Variants in DCDC2 observed in about 807,000 individuals in gnomAD.
DCDC2 encodes the protein doublecortin domain-containing protein 2.
Under a neutral mutation model 50.2 loss-of-function variants are expected in DCDC2, and 40 were observed. That is an observed-to-expected ratio of 0.80 (90% confidence interval 0.62 to 1.04). The LOEUF (loss-of-function observed/expected upper bound fraction) is 1.04. Ranked by LOEUF, DCDC2 falls within the 50% of genes least tolerant of loss-of-function variation. The pLI, the probability that DCDC2 is intolerant of heterozygous loss-of-function variation, is 0.00. For missense variants in DCDC2, 570 were observed against 581.9 expected (o/e 0.98, Z 0.21); for synonymous variants, 234 against 210.6 (o/e 1.11, Z -0.96).
chr6:24,351,145 C>G (rs949144301), intron 2 of DCDC2, among the ~76,000 whole-genome samples: 1 of 152,190 alleles, frequency 6.6e-6, no homozygotes, highest in African/African-American at 2.4e-5. Context: ...AAGAAAAATG[C>G]TTTCATAGTT....
chr6:24,308,699 T>C (rs1021239360), intron 2 of DCDC2, among the ~76,000 whole-genome samples: 4 of 152,008 alleles, frequency 2.6e-5, no homozygotes, highest in Admixed American at 6.6e-5. Flanking sequence ...GGTGGAAAAA[T>C]GATAAAATAA....
intron 7 of DCDC2, among the ~76,000 whole-genome samples, chr6:24,231,630 A>C (rs1274477660): frequency 1.3e-5 from 2 of 152,030 alleles, no homozygotes; most frequent in Non-Finnish European, 2.9e-5. Flanking sequence ...CTTTATCTGA[A>C]GGGAGTGCTA....
At chr6:24,289,552 T>C (rs1484529204) in intron 5 of DCDC2, among the ~76,000 whole-genome samples, 1 of 152,224 alleles carries the variant, frequency 6.6e-6, no homozygotes, top group Non-Finnish European at 1.5e-5. Flanking sequence ...AGTTTTCTTA[T>C]TACCATCAGG....
At chr6:24,379,436 A>C in the DCDC2 span, among the ~76,000 whole-genome samples, 2 of 152,266 alleles carry the variant, frequency 1.3e-5, no homozygotes, top group African/African-American at 4.8e-5. Flanking sequence ...AGACATATGA[A>C]AAAATGCTGA....
intron 7 of DCDC2, among the ~76,000 whole-genome samples, chr6:24,274,809 T>C (rs115364516): frequency 0.025 from 3,843 of 152,034 alleles, 86 homozygotes; most frequent in African/African-American, 0.055. Flanking sequence ...AGATAACCTA[T>C]GAAGTCTCTT....
chr6:24,302,429 C>T (rs565962512), intron 2 of DCDC2, among the ~76,000 whole-genome samples: 15 of 152,200 alleles, frequency 9.9e-5, no homozygotes, highest in African/African-American at 2.9e-4. Context: ...GCCCAACATA[C>T]TGTGTTCCAT....
chr6:24,238,144 T>G (rs1412965024), intron 7 of DCDC2, among the ~76,000 whole-genome samples: 162 of 180 alleles, frequency 0.9, 73 homozygotes, highest in African/African-American at 0.95. Context: ...GAGGAAGGGA[T>G]GCAGGGAGGA....
chr6:24,253,645 CA>C (rs1439188558), intron 7 of DCDC2, among the ~76,000 whole-genome samples: 1 of 152,012 alleles, frequency 6.6e-6, no homozygotes, highest in Non-Finnish European at 1.5e-5. Context: ...AACTATAACA[CA>C]ATGGTAACTA....
intron 2 of DCDC2, among the ~76,000 whole-genome samples, chr6:24,317,164 T>C (rs979594107): frequency 3.9e-5 from 6 of 152,078 alleles, no homozygotes; most frequent in African/African-American, 1.4e-4. Context: ...TGTTTGAATG[T>C]TAGACTCAGG....
chr6:24,184,424 A>C (rs192539862), intron 8 of DCDC2, among the ~76,000 whole-genome samples: 167 of 152,090 alleles, frequency 1.1e-3, no homozygotes, highest in African/African-American at 3.8e-3. Flanking sequence ...AATACAAAAA[A>C]TTAGCCGGGC....
chr6:24,371,304 GAAAA>G, the DCDC2 span, among the ~76,000 whole-genome samples: 439 of 140,846 alleles, frequency 3.1e-3, 16 homozygotes, highest in Middle Eastern at 0.012. Context: ...GAAAAGAAAA[GAAAA>G]AAAAGAACTA....
intron 2 of DCDC2, among the ~76,000 whole-genome samples, chr6:24,343,783 T>A (rs1310796812): frequency 6.6e-6 from 1 of 152,238 alleles, no homozygotes; most frequent in African/African-American, 2.4e-5. Flanking sequence ...TGGTCAGAAT[T>A]TAAAAGAAAA....
Position 24,291,013 on chromosome 6 carries a change from A to T in DCDC2, c.623T>A (p.Val208Glu), listed in dbSNP as rs980124028. ...CTTAAACTTATCTCTGCCAACAGCC[A>T]CATAAAACTGCCCATTCTCCAACTC... is the stretch of plus-strand genomic sequence containing the variant. Reference protein sequence around the residue: ...GAELENGQFYVAVGRDKFKKL... With the variant: ...GAELENGQFYEAVGRDKFKKL... Residue 208 changes from valine (V) to glutamate (E), a missense_variant, in exon 5 of 10, where the codon GTG becomes GAG. By Grantham distance (121) the Val-to-Glu change is moderately radical. Transcript: ENST00000378454. 6.2e-7 allele frequency: 1 copy of T among 1,614,056 alleles called. No individual in the cohort carries two copies. The highest frequency in any genetic ancestry group is 1.7e-5 in the Admixed American group (1 of 60,016).
chr6:24,267,028 A>T (rs1763136897), intron 7 of DCDC2, among the ~76,000 whole-genome samples: 1 of 152,212 alleles, frequency 6.6e-6, no homozygotes, highest in Non-Finnish European at 1.5e-5. Flanking sequence ...ACTGGAGGTC[A>T]TTATGTTAAG....
intron 7 of DCDC2, among the ~76,000 whole-genome samples, chr6:24,227,806 G>A (rs1045313178): frequency 2.0e-5 from 3 of 152,116 alleles, no homozygotes; most frequent in African/African-American, 4.8e-5. Context: ...ACTGTCTCCC[G>A]ATTAATCTGG....
At position 24,353,718 on chromosome 6, in the gene DCDC2, A is replaced by G. The variant is rs1468348992; in HGVS notation, c.294-95T>C. The G allele has an allele frequency of 6.6e-6, 5 of 756,438 alleles. No individual in the cohort carries two copies. In the African/African-American group the frequency reaches 8.9e-5, roughly 14 times the overall value. The allele number at this position is 756,438 out of a possible 1,614,324, so 46.9% of individuals were successfully genotyped here. ...ATCATAAAAAAATAAAGCAACTCAT[A>G]GGAAATTCTCAACCTTAAAGCAAAA... On this transcript the variant is annotated intron_variant, in intron 1 of 9. Coordinates refer to ENST00000378454, the MANE Select transcript of DCDC2 (RefSeq NM_016356.5).
intron 7 of DCDC2, among the ~76,000 whole-genome samples, chr6:24,212,284 T>G (rs1315449428): frequency 6.6e-6 from 1 of 151,916 alleles, no homozygotes; most frequent in Non-Finnish European, 1.5e-5. Flanking sequence ...GGAAAGAACA[T>G]CTGCAGTGGC....
chr6:24,285,466 C>T (rs1420058031), intron 6 of DCDC2, among the ~76,000 whole-genome samples: 7 of 152,080 alleles, frequency 4.6e-5, no homozygotes, highest in African/African-American at 1.2e-4. Flanking sequence ...TTAATGGAAT[C>T]GCTTGTTTCA....
At chr6:24,358,889 TTA>T (rs1491044071), upstream of DCDC2, among the ~76,000 whole-genome samples, 31 of 18,026 alleles carry the variant, frequency 1.7e-3, no homozygotes, top group South Asian at 5.3e-3. Flanking sequence ...TTATATATAT[TTA>T]TATATATAAT....
Sources: gnomAD v4.1 joint callset for allele counts (sites outside exome capture counted in the v4.1 genomes callset) on GRCh38, gnomAD v4.1.1 for gene constraint, MANE v1.5 for transcripts, NCBI Gene and HGNC (gene_info 2026-07-23, HGNC 2026-07-21) for gene names.